The following AKAP1 variants were observed in gnomAD, a reference collection of about 807,000 sequenced individuals.
The protein encoded by AKAP1 is A-kinase anchor protein 1, mitochondrial.
A neutral mutation model predicts 79.8 loss-of-function variants in AKAP1; 32 were observed. That is an observed-to-expected ratio of 0.40 (90% CI 0.30 to 0.54). AKAP1 has a LOEUF of 0.54. Among genes scored for constraint, AKAP1 ranks in the 20% least tolerant of loss-of-function variants. The probability of loss-of-function intolerance (pLI) is 0.47; values close to 1 mark genes in which losing one functional copy is unlikely to be tolerated. For missense variants in AKAP1, 961 were observed against 1,138.9 expected, an observed-to-expected ratio of 0.84 and a Z score of 2.25; for synonymous variants, 416 against 466.7, an observed-to-expected ratio of 0.89 and a Z score of 1.40.
At chr17:57,111,060 T>C (rs1003346120) in intron 3 of AKAP1, among the ~76,000 whole-genome samples, 1 of 152,180 alleles carries the variant, frequency 6.6e-6, no homozygotes, top group African/African-American at 2.4e-5. Context: ...GGCCCTGTTA[T>C]CCGTCCTGCC....
intron 5 of AKAP1, among the ~76,000 whole-genome samples, 177 bp from the exon 6 acceptor site, chr17:57,114,282 G>A (rs150504744): frequency 1.9e-4 from 29 of 152,236 alleles, no homozygotes; most frequent in Non-Finnish European, 7.4e-5. Flanking sequence ...CAGGGGTGTC[G>A]AACACTTTCT....
intron 7 of AKAP1, 132 bp from the exon 8 acceptor site, chr17:57,116,728 T>G (rs1465825258): frequency 2.3e-6 from 2 of 859,890 alleles, no homozygotes; most frequent in Non-Finnish European, 3.9e-6. Context: ...AGCCGTGGCC[T>G]CCTGCAAAGT....
chr17:57,110,043 T>C lies in AKAP1; in HGVS notation c.1733T>C (p.Met578Thr), dbSNP rs1057155244. ...CCTGCAGGTTCTGACAGGAACAGCA[T>C]GGATTCCGTGGATAGCTGTTGCAGT... ...DHSGGSDRNS[M>T]DSVDSCCSLK... The change falls in exon 3 of 11, where the codon ATG becomes ACG. Residue 578 changes from methionine (M) to threonine (T), a missense_variant. Transcript: ENST00000337714. The C allele has an allele frequency of 6.2e-7, 1 of 1,614,052 alleles. No individual in the cohort carries two copies.
rs761174439 is a variant in AKAP1, at chr17:57,105,788, G to T, written c.324G>T (p.Ser108=). 7.4e-6 allele frequency: 12 copies of T among 1,614,016 alleles called. No individual in the cohort carries two copies. Among genetic ancestry groups the T allele is most frequent in the Non-Finnish European group, 1.0e-5 (12 of 1,180,042 alleles). ...THPPCRRSES[S]GILPNTTDMR... ...CACCTTGCCGAAGATCAGAGTCCTC[G>T]GGCATTCTTCCTAACACCACAGACA... The change falls in exon 2 of 11, where the codon TCG becomes TCT. Residue 108 remains serine (S), a synonymous_variant. Transcript: ENST00000337714.
In AKAP1 at chr17:57,114,548, T is replaced by G; in HGVS notation, c.2193T>G (p.Pro731=). Residue 731 remains proline, a synonymous_variant, in exon 6 of 11, where the codon CCT becomes CCG. Coordinates refer to ENST00000337714, the MANE Select transcript of AKAP1 (RefSeq NM_003488.4). ...GHLFVQQHTH[P]TFHALRSLDQ... The stretch of plus-strand genomic sequence containing the variant: ...TGTTCGTGCAGCAGCACACACACCC[T>G]ACCTTCCACGCGCTGCGCAGCCTCG... 2 of 1,614,190 alleles carry G rather than the reference T, an allele frequency of 1.2e-6. No individual in the cohort carries two copies. Among genetic ancestry groups the G allele is most frequent in the Non-Finnish European group, 1.7e-6 (2 of 1,180,036 alleles).
In AKAP1 at chr17:57,086,402, G is replaced by A; in HGVS notation, c.-25+1004G>A. 3 of 456,220 alleles carry A rather than the reference G, an allele frequency of 6.6e-6. 1 individual carries two copies. The highest frequency in any genetic ancestry group is 6.8e-4 in the Middle Eastern group (2 of 2,952). The allele number at this position is 456,220 out of a possible 1,614,324, so 28.3% of individuals were successfully genotyped here. ...GGATAGGAGAAGAAAGGTGCTGATCGTGGTAGGCGGTGCTGTGGCGACTCG... is the reference window on the plus strand; with the variant it reads ...GGATAGGAGAAGAAAGGTGCTGATCATGGTAGGCGGTGCTGTGGCGACTCG... On this transcript the variant is annotated intron_variant, in intron 1 of 10. Coordinates refer to ENST00000337714, the MANE Select transcript of AKAP1 (RefSeq NM_003488.4). The surrounding 1 kb of genome is among the most constrained non-coding windows in gnomAD (Gnocchi z 5.1).
intron 9 of AKAP1, 21 bp downstream of exon 9, chr17:57,118,475 G>C: frequency 6.2e-7 from 1 of 1,613,266 alleles, no homozygotes; most frequent in South Asian, 1.1e-5. Context: ...GGCAGGGGTG[G>C]GGGAGGCAGG....
In AKAP1 at chr17:57,086,319, CTGGCGTTCAACTCTTT is replaced by C; in HGVS notation, c.-25+924_-25+939del. The C allele has an allele frequency of 2.4e-6, 1 of 412,580 alleles. No homozygotes were observed. The highest frequency in any genetic ancestry group is 1.7e-5 in the South Asian group (1 of 59,256). 25.6% of individuals were successfully genotyped at this position (412,580 alleles called of 1,614,324 possible). A position where few individuals can be genotyped will look rare whatever the true frequency, so the allele number is the denominator to read the frequency against. ...GCTGGATGCCTCGAACGCGGGCTTT[CTGGCGTTCAACTCTTT>C]TGTGCCCTAGCTGAAGGTCTTCCTG... On this transcript the variant is annotated intron_variant, in intron 1 of 10. Coordinates refer to ENST00000337714, the MANE Select transcript of AKAP1 (RefSeq NM_003488.4). This position sits in a 1 kb window ranked among gnomAD's most constrained non-coding sequence, Gnocchi z 5.1.
intron 1 of AKAP1, 82 bp from the exon 2 acceptor site, chr17:57,105,359 G>A: frequency 1.5e-6 from 2 of 1,351,948 alleles, no homozygotes; most frequent in Non-Finnish European, 2.1e-6. Flanking sequence ...CTACCCTGTT[G>A]ACTGTCTTGC....
Position 57,106,436 on chromosome 17 carries a change from G to C in AKAP1, c.972G>C (p.Leu324Phe). 6.8e-7 allele frequency: 1 copy of C among 1,478,066 alleles called. No individual in the cohort carries two copies. The highest frequency in any genetic ancestry group is 9.4e-7 in the Non-Finnish European group (1 of 1,063,580). The allele number at this position is 1,478,066 out of a possible 1,614,324, so 91.6% of individuals were successfully genotyped here. The change falls in exon 2 of 11, where the codon TTG becomes TTC. Residue 324 changes from leucine to phenylalanine, a missense_variant. Coordinates refer to ENST00000337714, the MANE Select transcript of AKAP1 (RefSeq NM_003488.4). ...GCTTGGATAGAAATGAGGAGGGCTT[G>C]GATAGAAATGAGGAGAGCTTGGATA... is the stretch of plus-strand genomic sequence containing the variant. ...EEGLDRNEEG[L>F]DRNEESLDRN...
chr17:57,116,259 C>T lies in AKAP1; in HGVS notation c.2430C>T (p.Ile810=). Residue 810 remains isoleucine (I), a splice_region_variant and synonymous_variant, in exon 7 of 11, where the codon ATC becomes ATT. Coordinates refer to ENST00000337714, the MANE Select transcript of AKAP1 (RefSeq NM_003488.4). ...KRVKVDVLRQ[I]RSDFVTLPFQ... is the part of the protein sequence containing the mutation. ...TGAAAGTAGACGTGCTCCGGCAAATCAGGTGAGCGGAGATGCCTCAGGCAG... is the reference window on the plus strand; with the variant it reads ...TGAAAGTAGACGTGCTCCGGCAAATTAGGTGAGCGGAGATGCCTCAGGCAG... 6.2e-7 allele frequency: 1 copy of T among 1,614,094 alleles called. No individual in the cohort carries two copies. The highest frequency in any genetic ancestry group is 2.2e-5 in the East Asian group (1 of 44,884).
chr17:57,095,068 C>T (rs1251703483), intron 1 of AKAP1: 1 of 152,272 alleles, frequency 6.6e-6, no homozygotes, highest in Admixed American at 6.5e-5. Flanking sequence ...TTCTGTTCCT[C>T]CTTCACCCCT....
At chr17:57,100,387 C>T (rs1192693640) in intron 1 of AKAP1, among the ~76,000 whole-genome samples, 1 of 151,400 alleles carries the variant, frequency 6.6e-6, no homozygotes, top group Non-Finnish European at 1.5e-5. Flanking sequence ...GGAGTTCGAG[C>T]CCAGCCTGGC....
At chr17:57,114,829 G>A (rs1284953588) in intron 6 of AKAP1, among the ~76,000 whole-genome samples, 193 bp downstream of exon 6, 1 of 152,094 alleles carries the variant, frequency 6.6e-6, no homozygotes, top group African/African-American at 2.4e-5. Flanking sequence ...GCAGAGTGAT[G>A]GGTGTTGGAG....
At chr17:57,098,927 A>ATT in intron 1 of AKAP1, among the ~76,000 whole-genome samples, 1 of 146,962 alleles carries the variant, frequency 6.8e-6, no homozygotes, top group African/African-American at 2.5e-5. Flanking sequence ...AAGCCCCGCT[A>ATT]TTTTTTTTTT....
chr17:57,105,321 A>C, intron 1 of AKAP1, 120 bp from the exon 2 acceptor site: 1 of 935,926 alleles, frequency 1.1e-6, no homozygotes, highest in Non-Finnish European at 1.7e-6. Flanking sequence ...CTTGGAGGGC[A>C]GGGAAGGCGG....
intron 2 of AKAP1, among the ~76,000 whole-genome samples, chr17:57,108,647 G>T (rs1915045953): frequency 6.6e-6 from 1 of 152,154 alleles, no homozygotes; most frequent in Non-Finnish European, 1.5e-5. Context: ...CATGCGGTGG[G>T]TGCCAAGCAC....
intron 1 of AKAP1, among the ~76,000 whole-genome samples, chr17:57,101,201 A>T (rs192397601): frequency 2.0e-5 from 3 of 152,310 alleles, no homozygotes; most frequent in Admixed American, 2.0e-4. Flanking sequence ...ATTACAGAAC[A>T]GTGATTCTCT....
At chr17:57,096,031 C>T (rs1914090939) in intron 1 of AKAP1, 1 of 152,114 alleles carries the variant, frequency 6.6e-6, no homozygotes, top group African/African-American at 2.4e-5. Context: ...TTAGGAAGAC[C>T]TTTGTAGGAG....
Sources: allele counts gnomAD v4.1 joint callset (sites outside exome capture counted in the v4.1 genomes callset), GRCh38; gene constraint gnomAD v4.1.1; non-coding constraint Gnocchi (gnomAD v3.1); transcripts MANE v1.5; gene names NCBI Gene and HGNC (gene_info 2026-07-23, HGNC 2026-07-21).